DCDC1: variants seen among roughly 807,000 people sequenced by gnomAD.
The protein encoded by DCDC1 is doublecortin domain-containing protein 1.
Under a neutral mutation model 178.3 loss-of-function variants are expected in DCDC1, and 200 were observed. The observed-to-expected ratio is 1.12, with a 90% CI of 1.00 to 1.26. The LOEUF (loss-of-function observed/expected upper bound fraction) is 1.26, where lower values mean the gene tolerates loss of function less well. DCDC1 is among the 50% of genes most tolerant of loss of function. DCDC1 has a pLI of 0.00. For synonymous variants in DCDC1, 690 were observed against 604.8 expected (o/e 1.14, Z -2.07); for missense variants, 1,983 against 1,749.2 (o/e 1.13, Z -2.38).
intron 15 of DCDC1, among the ~76,000 whole-genome samples, chr11:31,101,841 C>A (rs985774811): frequency 1.3e-5 from 2 of 152,048 alleles, no homozygotes; most frequent in African/African-American, 4.8e-5. Context: ...ATTTGGGAGG[C>A]CGAGGTGGAC....
Position 31,252,626 on chromosome 11 carries a change from T to C in DCDC1, c.1055-11010A>G, listed in dbSNP as rs150048548. Among the ~76,000 whole-genome samples, 1,499 of 151,990 alleles carry C rather than the reference T, an allele frequency of 9.9e-3. 20 individuals carry two copies. The highest frequency in any genetic ancestry group is 0.032 in the Admixed American group (494 of 15,244). On this transcript the variant is annotated intron_variant, in intron 8 of 38. Coordinates refer to ENST00000684477, the MANE Select transcript of DCDC1 (RefSeq NM_001387274.1). ...CCACAAAGAGGAATACTGAAATAAC[T>C]AGACAGAACAGAGAAGAGTGAGCAG... is the stretch of plus-strand genomic sequence containing the variant.
chr11:31,322,270 A>T (rs1949407471), intron 3 of DCDC1, among the ~76,000 whole-genome samples: 1 of 152,244 alleles, frequency 6.6e-6, no homozygotes, highest in Non-Finnish European at 1.5e-5. Flanking sequence ...GAAAAGAAAC[A>T]AACACAATTT....
intron 6 of DCDC1, 75 bp from the exon 7 acceptor site, chr11:31,290,927 T>A: frequency 7.6e-7 from 1 of 1,322,314 alleles, no homozygotes; most frequent in Non-Finnish European, 1.0e-6. Flanking sequence ...CTTCCCTCCC[T>A]CTATTACCTG....
At chr11:30,890,699 C>A (rs1221697223) in intron 36 of DCDC1, among the ~76,000 whole-genome samples, 2 of 152,172 alleles carry the variant, frequency 1.3e-5, no homozygotes, top group Non-Finnish European at 2.9e-5. Flanking sequence ...AATATGGCCA[C>A]CTAATAAAAT....
intron 20 of DCDC1, among the ~76,000 whole-genome samples, chr11:31,028,509 G>A (rs1343413240): frequency 6.6e-6 from 1 of 151,766 alleles, no homozygotes; most frequent in Non-Finnish European, 1.5e-5. Context: ...TAATTATTTA[G>A]TAGCCTTTAA....
At chr11:31,197,096 A>G (rs1355612440) in intron 9 of DCDC1, among the ~76,000 whole-genome samples, 1 of 152,074 alleles carries the variant, frequency 6.6e-6, no homozygotes, top group African/African-American at 2.4e-5. Flanking sequence ...GACCAAATAT[A>G]TATATATTTT....
At chr11:31,216,254 G>C (rs895963842) in intron 9 of DCDC1, among the ~76,000 whole-genome samples, 3 of 152,070 alleles carry the variant, frequency 2.0e-5, no homozygotes, top group African/African-American at 7.3e-5. Context: ...GATAGACATG[G>C]GTAGACAGAT....
chr11:31,065,855 G>C (rs1482453160), intron 18 of DCDC1, among the ~76,000 whole-genome samples: 2 of 152,134 alleles, frequency 1.3e-5, no homozygotes, highest in Non-Finnish European at 2.9e-5. Flanking sequence ...AGGCTAACTG[G>C]GGAGCACAGC....
At chr11:30,977,344 C>T (rs969869125) in intron 20 of DCDC1, among the ~76,000 whole-genome samples, 2 of 152,114 alleles carry the variant, frequency 1.3e-5, no homozygotes, top group African/African-American at 2.4e-5. Flanking sequence ...GAAAAGTTCC[C>T]AACACATAGA....
At chr11:31,343,874 C>G (rs1950679210) in intron 1 of DCDC1, among the ~76,000 whole-genome samples, 1 of 152,042 alleles carries the variant, frequency 6.6e-6, no homozygotes, top group Non-Finnish European at 1.5e-5. Context: ...GAGCCGAGAT[C>G]ATGGCACTGC....
Position 31,193,428 on chromosome 11 carries a change from C to A in DCDC1, c.1221+48022G>T, listed in dbSNP as rs375811302. Among the ~76,000 whole-genome samples, 7 of 151,966 alleles carry A rather than the reference C, an allele frequency of 4.6e-5. No homozygotes were observed. The East Asian group carries it at 1.2e-3, about 25-fold the overall frequency. ...AAGGGAAATGCTTATTGGAGTATTTCATATCTTGGGTTTTCAGATTAGCAA... is the reference window on the plus strand; with the variant it reads ...AAGGGAAATGCTTATTGGAGTATTTAATATCTTGGGTTTTCAGATTAGCAA... On this transcript the variant is annotated intron_variant, in intron 9 of 38. Transcript: ENST00000684477.
intron 1 of DCDC1, among the ~76,000 whole-genome samples, chr11:31,348,805 A>G (rs1950933786): frequency 1.3e-5 from 2 of 152,230 alleles, no homozygotes; most frequent in African/African-American, 4.8e-5. Flanking sequence ...CAATTCAATT[A>G]AGAAAGACAC....
intron 20 of DCDC1, among the ~76,000 whole-genome samples, chr11:31,009,367 T>C: frequency 6.6e-6 from 1 of 152,210 alleles, no homozygotes; most frequent in Non-Finnish European, 1.5e-5. Context: ...TAGTTTTCTA[T>C]TGCTACATAA....
At chr11:31,307,452 T>C in intron 4 of DCDC1, 187 bp downstream of exon 4, 1 of 675,398 alleles carries the variant, frequency 1.5e-6, no homozygotes, top group Non-Finnish European at 2.4e-6. Context: ...GTATCTCATA[T>C]TTCCCACAGT....
chr11:31,149,113 T>C (rs1257191261), intron 9 of DCDC1, among the ~76,000 whole-genome samples: 2 of 152,242 alleles, frequency 1.3e-5, no homozygotes, highest in Non-Finnish European at 2.9e-5. Flanking sequence ...ATGGTGTATA[T>C]ATACCACGTT....
intron 11 of DCDC1, 76 bp from the exon 12 acceptor site, chr11:31,110,437 A>G (rs1959132965): frequency 3.3e-6 from 2 of 602,726 alleles, no homozygotes; most frequent in Admixed American, 2.6e-5. Context: ...ATACTTAGAT[A>G]AATTTAGGCA....
intron 2 of DCDC1, among the ~76,000 whole-genome samples, chr11:31,329,396 T>C (rs1949838102): frequency 1.3e-5 from 1 of 78,242 alleles, no homozygotes; most frequent in African/African-American, 3.5e-5. Context: ...GATTTTCCAT[T>C]TTTTTTTATT....
At chr11:31,249,468 T>C (rs1336032788) in intron 8 of DCDC1, among the ~76,000 whole-genome samples, 3 of 152,160 alleles carry the variant, frequency 2.0e-5, no homozygotes, top group Non-Finnish European at 4.4e-5. Context: ...AACCACATTC[T>C]GTTTTTGACA....
At chr11:31,211,808 C>T (rs542344853) in intron 9 of DCDC1, among the ~76,000 whole-genome samples, 6 of 152,168 alleles carry the variant, frequency 3.9e-5, no homozygotes, top group African/African-American at 9.6e-5. Flanking sequence ...AGCAGCCGGG[C>T]GCAGTGGCTC....
Sources: gnomAD v4.1 joint callset for allele counts (sites outside exome capture counted in the v4.1 genomes callset) on GRCh38, gnomAD v4.1.1 for gene constraint, MANE v1.5 for transcripts, NCBI Gene and HGNC (gene_info 2026-07-23, HGNC 2026-07-21) for gene names.